The following MTA3 variants were observed in gnomAD, a reference collection of about 807,000 sequenced individuals.
MTA3 encodes metastasis-associated protein MTA3.
A neutral mutation model predicts 83.5 loss-of-function variants in MTA3; 34 were observed. The observed-to-expected ratio is 0.41, with a 90% CI of 0.31 to 0.54. The LOEUF (loss-of-function observed/expected upper bound fraction) is 0.54. MTA3 is among the 20% of genes least tolerant of loss of function. The probability of loss-of-function intolerance (pLI) is 0.33; values close to 1 mark genes in which losing one functional copy is unlikely to be tolerated. For missense variants in MTA3, 761 were observed against 726.4 expected (o/e 1.05, Z -0.55); for synonymous variants, 303 against 252.7 (o/e 1.20, Z -1.89).
rs751331831 is a variant in MTA3, at chr2:42,756,409, C to G, written c.*3010C>G. On this transcript the variant is annotated 3_prime_UTR_variant, in exon 17 of 17. Coordinates refer to ENST00000405094, the MANE Select transcript of MTA3 (RefSeq NM_001330442.2). ...AGCTGCCCTGGGAGCCTGGGACAGG[C>G]GACCCACCGGGTCAGTCCCCTGCCA... is the stretch of plus-strand genomic sequence containing the variant. 1.0e-6 allele frequency: 1 copy of G among 952,936 alleles called. No homozygotes were observed. Among genetic ancestry groups the G allele is most frequent in the Non-Finnish European group, 1.2e-6 (1 of 800,494 alleles). 59.0% of individuals were successfully genotyped at this position (952,936 alleles called of 1,614,324 possible).
intron 8 of MTA3, among the ~76,000 whole-genome samples, chr2:42,672,714 G>A (rs147066655): frequency 2.0e-5 from 3 of 151,172 alleles, no homozygotes; most frequent in African/African-American, 7.3e-5. Flanking sequence ...ACATGACTCA[G>A]GGTGTCTTTT....
intron 3 of MTA3, among the ~76,000 whole-genome samples, chr2:42,602,386 T>A (rs540330658): frequency 1.3e-5 from 2 of 152,310 alleles, no homozygotes; most frequent in South Asian, 4.1e-4. Flanking sequence ...GTACTTATGC[T>A]CTCATTTCTC....
At chr2:42,698,301 T>C (rs1483155633) in intron 11 of MTA3, 2 of 152,244 alleles carry the variant, frequency 1.3e-5, no homozygotes, top group Admixed American at 6.5e-5. Flanking sequence ...GAGGTTTTGA[T>C]TATTTTGTTT....
intron 3 of MTA3, among the ~76,000 whole-genome samples, chr2:42,597,235 T>C (rs1037552592): frequency 6.6e-6 from 1 of 151,866 alleles, no homozygotes; most frequent in South Asian, 2.1e-4. Flanking sequence ...ATTATTATTA[T>C]TATTATTTTT....
chr2:42,630,841 G>A (rs1686603230), intron 4 of MTA3, among the ~76,000 whole-genome samples: 2 of 152,096 alleles, frequency 1.3e-5, no homozygotes, highest in South Asian at 4.1e-4. Context: ...AAAGCAGGGA[G>A]GTTCAGCTGA....
chr2:42,505,059 A>G (rs1436453629), intron 2 of MTA3, among the ~76,000 whole-genome samples: 1 of 152,030 alleles, frequency 6.6e-6, no homozygotes, highest in East Asian at 1.9e-4. Flanking sequence ...AAACACTGTT[A>G]TTATTACTCC....
At chr2:42,656,671 G>A (rs887860136) in intron 7 of MTA3, among the ~76,000 whole-genome samples, 2 of 152,272 alleles carry the variant, frequency 1.3e-5, no homozygotes, top group Admixed American at 6.5e-5. Context: ...CCTGGAATTC[G>A]CTCACCGCAT....
intron 4 of MTA3, among the ~76,000 whole-genome samples, chr2:42,638,313 G>A (rs1164678869): frequency 6.6e-6 from 1 of 152,080 alleles, no homozygotes; most frequent in African/African-American, 2.4e-5. Flanking sequence ...GGCAGCTGTC[G>A]ATGTGCTAAC....
At chr2:42,725,711 A>G (rs1667762256) in intron 16 of MTA3, among the ~76,000 whole-genome samples, 1 of 152,184 alleles carries the variant, frequency 6.6e-6, no homozygotes, top group African/African-American at 2.4e-5. Context: ...TTCTGGTACA[A>G]GCTTCTGCAC....
At chr2:42,650,565 G>T (rs1688625207) in intron 6 of MTA3, among the ~76,000 whole-genome samples, 1 of 151,906 alleles carries the variant, frequency 6.6e-6, no homozygotes, top group Non-Finnish European at 1.5e-5. Context: ...TCAGCCTCCT[G>T]AGTAGCTGGG....
At chr2:42,647,469 T>G in intron 6 of MTA3, among the ~76,000 whole-genome samples, 1 of 152,128 alleles carries the variant, frequency 6.6e-6, no homozygotes, top group East Asian at 2.0e-4. Flanking sequence ...TCAAGCGATC[T>G]GTCCACCTTG....
intron 3 of MTA3, among the ~76,000 whole-genome samples, chr2:42,585,081 CAAAT>C (rs1237187596): frequency 2.0e-5 from 3 of 150,958 alleles, no homozygotes; most frequent in African/African-American, 7.3e-5. Context: ...ACATAATAAT[CAAAT>C]AATAATAATA....
intron 16 of MTA3, among the ~76,000 whole-genome samples, chr2:42,734,525 G>C (rs1383136720): frequency 6.8e-6 from 1 of 147,086 alleles, no homozygotes; most frequent in African/African-American, 2.5e-5. Context: ...CTTTTGGTTG[G>C]AGAGTTTGGT....
chr2:42,586,704 G>T (rs912808539), intron 3 of MTA3, among the ~76,000 whole-genome samples: 13 of 151,890 alleles, frequency 8.6e-5, no homozygotes, highest in Non-Finnish European at 1.8e-4. Flanking sequence ...GCCAGGACCA[G>T]CATGGCAAAA....
intron 4 of MTA3, among the ~76,000 whole-genome samples, chr2:42,616,666 C>T (rs1684935007): frequency 7.2e-6 from 1 of 139,714 alleles, no homozygotes; most frequent in Non-Finnish European, 1.5e-5. Context: ...GCAGCCTCGT[C>T]CTCCCTGGCT....
At chr2:42,683,360 T>A (rs1573607440) in intron 9 of MTA3, among the ~76,000 whole-genome samples, 1 of 152,328 alleles carries the variant, frequency 6.6e-6, no homozygotes, top group Non-Finnish European at 1.5e-5. Context: ...GAATTTGTTT[T>A]ATGGGCTTTT....
intron 3 of MTA3, among the ~76,000 whole-genome samples, chr2:42,604,851 T>G (rs1683048928): frequency 6.7e-6 from 1 of 149,398 alleles, no homozygotes; most frequent in Admixed American, 6.7e-5. Context: ...CTTAATCCAT[T>G]TAACCCTGAG....
At chr2:42,556,328 A>T (rs926291862) in intron 2 of MTA3, among the ~76,000 whole-genome samples, 1 of 152,166 alleles carries the variant, frequency 6.6e-6, no homozygotes, top group African/African-American at 2.4e-5. Context: ...CAGGGCCCCC[A>T]GCTTTCTCTT....
intron 5 of MTA3, among the ~76,000 whole-genome samples, chr2:42,641,309 C>T (rs2104302409): frequency 6.6e-6 from 1 of 151,418 alleles, no homozygotes; most frequent in South Asian, 2.1e-4. Context: ...CATGCAGAAC[C>T]CACTATACAT....
Sources: allele counts gnomAD v4.1 joint callset (sites outside exome capture counted in the v4.1 genomes callset), GRCh38; gene constraint gnomAD v4.1.1; transcripts MANE v1.5; gene names NCBI Gene and HGNC (gene_info 2026-07-23, HGNC 2026-07-21).